The following PITPNM2 variants were observed in gnomAD, a reference collection of about 807,000 sequenced individuals.
The protein encoded by PITPNM2 is phosphatidylinositol transfer protein membrane associated 2.
A neutral mutation model predicts 132.2 loss-of-function variants in PITPNM2; 35 were observed. That is an observed-to-expected ratio of 0.26 (90% CI 0.20 to 0.35). The LOEUF (loss-of-function observed/expected upper bound fraction) is 0.35, where lower values mean the gene tolerates loss of function less well. PITPNM2 is among the 10% of genes least tolerant of loss of function. The pLI is 1.00. For synonymous variants in PITPNM2, 738 were observed against 799.2 expected, an observed-to-expected ratio of 0.92 and a Z score of 1.29; for missense variants, 1,332 against 1,912.0, an observed-to-expected ratio of 0.70 and a Z score of 5.66.
chr12:123,142,435 C>T (rs1106240), intron 1 of PITPNM2, among the ~76,000 whole-genome samples: 126,950 of 152,248 alleles, frequency 0.83, 53,241 homozygotes, highest in East Asian at 0.97. Flanking sequence ...GCATGCCCAA[C>T]TGATGGCGAA....
At chr12:123,006,028 T>C (rs2038919283) in intron 6 of PITPNM2, 1 of 153,816 alleles carries the variant, frequency 6.5e-6, no homozygotes, top group Non-Finnish European at 1.4e-5. Flanking sequence ...GGAGGATCAC[T>C]TGAGCCCAGG....
intron 18 of PITPNM2, 31 bp downstream of exon 18, chr12:122,989,756 C>T (rs1185838490): frequency 1.5e-6 from 2 of 1,363,702 alleles, no homozygotes; most frequent in Non-Finnish European, 1.9e-6. Context: ...CAGAGTGACC[C>T]CCAGTGAGGG....
At chr12:123,079,408 G>GT (rs1301189346) in intron 2 of PITPNM2, among the ~76,000 whole-genome samples, 1 of 113,670 alleles carries the variant, frequency 8.8e-6, no homozygotes, top group African/African-American at 3.4e-5. Context: ...GAGTGCAGTG[G>GT]TATGATCACA....
chr12:123,043,924 C>T (rs2040572075), intron 2 of PITPNM2, among the ~76,000 whole-genome samples: 1 of 152,186 alleles, frequency 6.6e-6, no homozygotes, highest in Non-Finnish European at 1.5e-5. Context: ...AAACTCAGAG[C>T]CTCCAAGATG....
chr12:123,044,600 G>A (rs1188307882), intron 2 of PITPNM2, among the ~76,000 whole-genome samples: 1 of 152,166 alleles, frequency 6.6e-6, no homozygotes, highest in African/African-American at 2.4e-5. Flanking sequence ...TGATGACAGA[G>A]TAGATACATA....
At position 123,005,088 on chromosome 12, in the gene PITPNM2, G is replaced by A. The variant is rs563348035; in HGVS notation, c.952+152C>T. 3.7e-5 allele frequency: 35 copies of A among 955,866 alleles called. No individual in the cohort carries two copies. The East Asian group carries it at 7.7e-4, about 21-fold the overall frequency. 59.2% of individuals were successfully genotyped at this position (955,866 alleles called of 1,614,324 possible). A position where few individuals can be genotyped will look rare whatever the true frequency, so the allele number is the denominator to read the frequency against. On this transcript the variant is annotated intron_variant, in intron 7 of 25. Transcript: ENST00000320201. The surrounding 1 kb of genome is among the most constrained non-coding windows in gnomAD (Gnocchi z 6.2). ...GCAGGGCCCAGGCTTCCCTGTGTGC[G>A]AGGACTAGCCCAGGGCTCTGACTCC...
chr12:123,072,100 C>A (rs117210587), intron 2 of PITPNM2, among the ~76,000 whole-genome samples: 1 of 152,214 alleles, frequency 6.6e-6, no homozygotes, highest in Admixed American at 6.5e-5. Context: ...GGTGTGCCCA[C>A]GCCTAGAAAG....
At position 123,097,859 on chromosome 12, in the gene PITPNM2, GA is replaced by G. The variant is rs1214424717; in HGVS notation, c.-96+12525del. On this transcript the variant is annotated intron_variant, in intron 2 of 25. Transcript: ENST00000320201. This position sits in a 1 kb window ranked among gnomAD's most constrained non-coding sequence, Gnocchi z 4.7. ...TGGCAGTGGGTATGAGGAACAGCTG[GA>G]CAGAGCTCGGAAAGCGGCTGCAGCC... 6.6e-6 allele frequency among the ~76,000 whole-genome samples: 1 copy of G among 152,234 alleles called. No individual in the cohort carries two copies. The highest frequency in any genetic ancestry group is 2.4e-5 in the African/African-American group (1 of 41,468).
intron 2 of PITPNM2, chr12:123,091,827 C>A (rs1026982668): frequency 6.6e-5 from 10 of 152,106 alleles, no homozygotes; most frequent in East Asian, 3.9e-4. Flanking sequence ...ATAGAGAAGA[C>A]CTTGGCCTTG....
intron 2 of PITPNM2, among the ~76,000 whole-genome samples, chr12:123,067,453 TCACACACACACACACACACA>T (rs55716436): frequency 3.7e-5 from 5 of 136,664 alleles, no homozygotes; most frequent in Non-Finnish European, 7.9e-5. Context: ...TGAAACTCCA[TCACACACACACACACACACA>T]CACACACACA....
At chr12:123,051,048 G>C (rs757564032) in intron 2 of PITPNM2, among the ~76,000 whole-genome samples, 6 of 152,194 alleles carry the variant, frequency 3.9e-5, no homozygotes, top group Non-Finnish European at 5.9e-5. Flanking sequence ...ACACTCCCTT[G>C]AGTTAGGAAG....
At chr12:123,052,784 G>GTTTTTTT in intron 2 of PITPNM2, among the ~76,000 whole-genome samples, 1 of 140,816 alleles carries the variant, frequency 7.1e-6, no homozygotes, top group South Asian at 2.2e-4. Context: ...TTTTATTTAA[G>GTTTTTTT]TTTTTTTTTT....
intron 6 of PITPNM2, among the ~76,000 whole-genome samples, chr12:123,006,549 CAA>C (rs58893457): frequency 7.1e-5 from 9 of 126,712 alleles, no homozygotes; most frequent in South Asian, 2.6e-4. Flanking sequence ...CCAGAAAAGA[CAA>C]AAAAAAAAAA....
intron 3 of PITPNM2, 161 bp downstream of exon 3, chr12:123,034,352 G>C: frequency 4.7e-6 from 3 of 642,320 alleles, no homozygotes; most frequent in Non-Finnish European, 8.0e-6. Context: ...GCCTGGCATC[G>C]TGCCTAGAGG....
At chr12:123,066,569 C>G (rs1013354151) in intron 2 of PITPNM2, among the ~76,000 whole-genome samples, 1 of 152,148 alleles carries the variant, frequency 6.6e-6, no homozygotes, top group African/African-American at 2.4e-5. Context: ...GGGAGACAGA[C>G]AGACTCCTCT....
intron 2 of PITPNM2, among the ~76,000 whole-genome samples, chr12:123,060,110 G>A (rs1242399376): frequency 6.6e-6 from 1 of 152,036 alleles, no homozygotes; most frequent in Non-Finnish European, 1.5e-5. Context: ...AGGCCCCAAG[G>A]GCTCAGAGCA....
At chr12:123,051,344 C>T (rs892101562) in intron 2 of PITPNM2, among the ~76,000 whole-genome samples, 2 of 152,220 alleles carry the variant, frequency 1.3e-5, no homozygotes, top group African/African-American at 4.8e-5. Context: ...AGACTTTGTT[C>T]TATTTCTCTC....
At chr12:123,049,947 G>A (rs180695541) in intron 2 of PITPNM2, among the ~76,000 whole-genome samples, 1 of 152,344 alleles carries the variant, frequency 6.6e-6, no homozygotes, top group East Asian at 1.9e-4. Context: ...CCGCCAAGCA[G>A]CCAAAGTGCT....
intron 1 of PITPNM2, among the ~76,000 whole-genome samples, chr12:123,124,388 C>T (rs2043094922): frequency 6.6e-6 from 1 of 151,858 alleles, no homozygotes; most frequent in African/African-American, 2.4e-5. Context: ...GCCAAGATCA[C>T]ACCACTGCAC....
Sources: allele counts gnomAD v4.1 joint callset (sites outside exome capture counted in the v4.1 genomes callset), GRCh38; gene constraint gnomAD v4.1.1; non-coding constraint Gnocchi (gnomAD v3.1); transcripts MANE v1.5; gene names NCBI Gene and HGNC (gene_info 2026-07-23, HGNC 2026-07-21).